The following PLCB1 variants were observed in gnomAD, a reference collection of about 807,000 sequenced individuals.
PLCB1 encodes phospholipase C beta 1, also known as 1-phosphatidylinositol 4,5-bisphosphate phosphodiesterase beta-1.
Under a neutral mutation model 161.8 loss-of-function variants are expected in PLCB1, and 46 were observed. The ratio of observed to expected loss-of-function variants is 0.28; its 90% confidence interval spans 0.22 to 0.36. The LOEUF (loss-of-function observed/expected upper bound fraction) is 0.36, where lower values mean the gene tolerates loss of function less well. Among genes scored for constraint, PLCB1 ranks in the 10% least tolerant of loss-of-function variants. The probability of loss-of-function intolerance (pLI) is 1.00; values close to 1 mark genes in which losing one functional copy is unlikely to be tolerated. For synonymous variants in PLCB1, 517 were observed against 503.7 expected, an observed-to-expected ratio of 1.03 and a Z score of -0.35; for missense variants, 1,016 against 1,472.5, an observed-to-expected ratio of 0.69 and a Z score of 5.07.
intron 3 of PLCB1, among the ~76,000 whole-genome samples, chr20:8,502,961 C>T (rs1983485772): frequency 1.3e-5 from 2 of 152,158 alleles, no homozygotes; most frequent in Admixed American, 6.5e-5. Context: ...CCAGTCACCT[C>T]TCTTCATCAA....
intron 2 of PLCB1, among the ~76,000 whole-genome samples, chr20:8,246,306 G>A (rs1980877879): frequency 6.6e-6 from 1 of 152,012 alleles, no homozygotes; most frequent in African/African-American, 2.4e-5. Flanking sequence ...TCTATGATAA[G>A]CTGCTGAGTC....
chr20:8,801,730 A>C (rs2146239496), intron 31 of PLCB1, among the ~76,000 whole-genome samples: 1 of 152,274 alleles, frequency 6.6e-6, no homozygotes, highest in Admixed American at 6.5e-5. Context: ...ATCATTCATC[A>C]CTATCTTTTC....
At position 8,532,450 on chromosome 20, in the gene PLCB1, C is replaced by T. The variant is rs1984852762; in HGVS notation, c.247-95844C>T. Among the ~76,000 whole-genome samples, 3 of 152,272 alleles carry T rather than the reference C, an allele frequency of 2.0e-5. No homozygotes were observed. In the South Asian group the frequency reaches 6.2e-4, roughly 32 times the overall value. ...CCTCCCCAAACTTCCCAGGGAGTTG[C>T]AAGAGAGGTCCTCATGTTCCTGTCT... On this transcript the variant is annotated intron_variant, in intron 3 of 31. Coordinates refer to ENST00000338037, the MANE Select transcript of PLCB1 (RefSeq NM_015192.4).
intron 31 of PLCB1, among the ~76,000 whole-genome samples, chr20:8,824,961 G>A (rs192027024): frequency 3.4e-3 from 516 of 152,262 alleles, no homozygotes; most frequent in African/African-American, 0.012. Flanking sequence ...TGGCCACAGA[G>A]GTGAAGCATC....
chr20:8,244,107 G>A (rs112110489), intron 2 of PLCB1, among the ~76,000 whole-genome samples: 3,553 of 152,050 alleles, frequency 0.023, 150 homozygotes, highest in African/African-American at 0.081. Flanking sequence ...ATGACTGGCA[G>A]TACCACATTT....
At chr20:8,604,018 T>C (rs1471083745) in intron 3 of PLCB1, among the ~76,000 whole-genome samples, 6 of 152,148 alleles carry the variant, frequency 3.9e-5, no homozygotes, top group African/African-American at 1.2e-4. Flanking sequence ...TTTGGAAGGC[T>C]GAGGTAGGTG....
chr20:8,862,224 A>T (rs993881494), intron 31 of PLCB1, among the ~76,000 whole-genome samples: 1 of 152,230 alleles, frequency 6.6e-6, no homozygotes, highest in Non-Finnish European at 1.5e-5. Context: ...TTTAAATTTC[A>T]GCATAATTTT....
chr20:8,440,578 A>G (rs1289477104), intron 3 of PLCB1, among the ~76,000 whole-genome samples: 5 of 152,170 alleles, frequency 3.3e-5, no homozygotes, highest in African/African-American at 1.2e-4. Flanking sequence ...GGGCTTACCC[A>G]TGTTTCCATA....
chr20:8,784,540 G>T (rs990824501), intron 27 of PLCB1, among the ~76,000 whole-genome samples: 3 of 145,884 alleles, frequency 2.1e-5, no homozygotes, highest in Non-Finnish European at 4.5e-5. Flanking sequence ...TGCAGCCTGG[G>T]CAATAGAGCG....
chr20:8,590,484 T>A (rs1381678750), intron 3 of PLCB1, among the ~76,000 whole-genome samples: 2 of 152,172 alleles, frequency 1.3e-5, no homozygotes, highest in East Asian at 3.8e-4. Context: ...CTATTTCTAT[T>A]GCTGCTGTGA....
chr20:8,855,610 G>A (rs1480552525), intron 31 of PLCB1, among the ~76,000 whole-genome samples: 2 of 152,190 alleles, frequency 1.3e-5, no homozygotes, highest in African/African-American at 4.8e-5. Flanking sequence ...CTCTTCAAAT[G>A]GGAGAGAGCA....
chr20:8,578,252 G>T (rs1292112437), intron 3 of PLCB1, among the ~76,000 whole-genome samples: 1 of 152,112 alleles, frequency 6.6e-6, no homozygotes, highest in Non-Finnish European at 1.5e-5. Flanking sequence ...ACTTCCTTTG[G>T]ATGGGCATGA....
intron 2 of PLCB1, among the ~76,000 whole-genome samples, chr20:8,164,273 G>T (rs1050157320): frequency 6.6e-6 from 1 of 152,066 alleles, no homozygotes; most frequent in Non-Finnish European, 1.5e-5. Context: ...ACTTCCCTTG[G>T]TTCCCTTGGT....
intron 2 of PLCB1, among the ~76,000 whole-genome samples, chr20:8,267,414 TA>T (rs1982025462): frequency 6.6e-6 from 1 of 152,108 alleles, no homozygotes; most frequent in African/African-American, 2.4e-5. Flanking sequence ...ATCTCTGTGG[TA>T]TAATCCATGC....
chr20:8,246,717 T>C (rs1452135144), intron 2 of PLCB1, among the ~76,000 whole-genome samples: 1 of 151,994 alleles, frequency 6.6e-6, no homozygotes, highest in Non-Finnish European at 1.5e-5. Flanking sequence ...TTATTATTAC[T>C]ATGTAAGTAT....
chr20:8,692,988 A>C (rs1292718915), intron 10 of PLCB1, among the ~76,000 whole-genome samples: 1 of 152,158 alleles, frequency 6.6e-6, no homozygotes, highest in African/African-American at 2.4e-5. Context: ...ATTTACCCCA[A>C]GGCTGCAGAG....
At chr20:8,302,679 G>A (rs1159744605) in intron 2 of PLCB1, among the ~76,000 whole-genome samples, 1 of 152,062 alleles carries the variant, frequency 6.6e-6, no homozygotes, top group African/African-American at 2.4e-5. Flanking sequence ...TGTATACAAT[G>A]TAAGTTACAT....
chr20:8,383,021 TG>T (rs1480391209), intron 3 of PLCB1, among the ~76,000 whole-genome samples: 1 of 152,216 alleles, frequency 6.6e-6, no homozygotes, highest in African/African-American at 2.4e-5. Flanking sequence ...TGATTTGGGT[TG>T]GAGAGTTCTG....
chr20:8,144,344 C>A (rs1416742558), intron 1 of PLCB1, among the ~76,000 whole-genome samples: 2 of 152,142 alleles, frequency 1.3e-5, no homozygotes, highest in Non-Finnish European at 2.9e-5. Flanking sequence ...CGTGGATTAT[C>A]TGAAGGATCT....
Sources: allele counts gnomAD v4.1 joint callset (sites outside exome capture counted in the v4.1 genomes callset), GRCh38; gene constraint gnomAD v4.1.1; transcripts MANE v1.5; gene names NCBI Gene and HGNC (gene_info 2026-07-23, HGNC 2026-07-21).